The following ABLIM1 variants were observed in gnomAD, a reference collection of about 807,000 sequenced individuals.
ABLIM1 encodes the protein actin binding LIM protein 1.
Under a neutral mutation model 107.0 loss-of-function variants are expected in ABLIM1, and 40 were observed. The observed-to-expected ratio is 0.37, with a 90% confidence interval of 0.29 to 0.49. The LOEUF is 0.49. Ranked by LOEUF, ABLIM1 falls within the 20% of genes least tolerant of loss-of-function variation. The pLI, the probability that ABLIM1 is intolerant of heterozygous loss-of-function variation, is 0.97. For missense variants in ABLIM1, 857 were observed against 1,008.5 expected, an observed-to-expected ratio of 0.85 and a Z score of 2.04; for synonymous variants, 357 against 357.3, an observed-to-expected ratio of 1.00 and a Z score of 0.01.
chr10:114,614,998 C>T (rs1036556911), intron 1 of ABLIM1, among the ~76,000 whole-genome samples: 9 of 148,496 alleles, frequency 6.1e-5, no homozygotes, highest in Admixed American at 2.0e-4. Flanking sequence ...TGCAGTGAGC[C>T]GTGATCATGC....
chr10:114,696,661 T>C (rs1475241151), intron 1 of ABLIM1, among the ~76,000 whole-genome samples: 55 of 146,448 alleles, frequency 3.8e-4, no homozygotes, highest in Admixed American at 5.4e-4. Flanking sequence ...TGGCTCTCAT[T>C]CTCTCTTGCC....
intron 3 of ABLIM1, among the ~76,000 whole-genome samples, chr10:114,572,756 A>T (rs563105889): frequency 6.6e-6 from 1 of 152,300 alleles, no homozygotes; most frequent in South Asian, 2.1e-4. Flanking sequence ...ACAAGTCTTA[A>T]ATCTGTTCTG....
intron 1 of ABLIM1, among the ~76,000 whole-genome samples, chr10:114,732,963 C>T (rs577181673): frequency 6.6e-6 from 1 of 152,312 alleles, no homozygotes; most frequent in Non-Finnish European, 1.5e-5. Flanking sequence ...CAGATTCTCT[C>T]ATCTATATTA....
intron 20 of ABLIM1, 37 bp from the exon 21 acceptor site, chr10:114,439,287 ATAGTC>A (rs778253601): frequency 6.2e-7 from 1 of 1,611,842 alleles, no homozygotes; most frequent in Admixed American, 1.7e-5. Flanking sequence ...GAGGCATGAA[ATAGTC>A]TAGGAAACTG....
At chr10:114,742,868 C>T (rs565938391) in intron 1 of ABLIM1, among the ~76,000 whole-genome samples, 6 of 152,108 alleles carry the variant, frequency 3.9e-5, no homozygotes, top group East Asian at 1.9e-4. Context: ...GGTTGTAGTG[C>T]GCCAAGATTG....
At chr10:114,740,326 C>T (rs998204713) in intron 1 of ABLIM1, among the ~76,000 whole-genome samples, 15 of 152,056 alleles carry the variant, frequency 9.9e-5, no homozygotes, top group African/African-American at 2.2e-4. Context: ...GCAAAGCAGG[C>T]GCACTAACAC....
At chr10:114,544,818 T>C (rs570894693) in intron 6 of ABLIM1, among the ~76,000 whole-genome samples, 187 bp downstream of exon 6, 6 of 152,284 alleles carry the variant, frequency 3.9e-5, no homozygotes, top group African/African-American at 1.4e-4. Flanking sequence ...TCCATCATTC[T>C]AATTTCCACG....
Position 114,507,839 on chromosome 10 carries a change from T to C in ABLIM1, c.895-15961A>G, listed in dbSNP as rs1011587270. 1.4e-4 allele frequency among the ~76,000 whole-genome samples: 22 copies of C among 152,204 alleles called. 1 individual carries two copies. Among genetic ancestry groups the C allele is most frequent in the Admixed American group, 1.4e-3 (22 of 15,280 alleles). ...CCTCCAAGTGTTAGGCTGTGCAACC[T>C]AGGCTGATGAAAAGTCTGTGTTGTC... On this transcript the variant is annotated intron_variant, in intron 6 of 22. Coordinates refer to ENST00000533213, the MANE Select transcript of ABLIM1 (RefSeq NM_002313.7).
At position 114,473,972 on chromosome 10, in the gene ABLIM1, T is replaced by A. The variant is rs1203445367; in HGVS notation, c.1042-16A>T. 2 of 1,607,218 alleles carry A rather than the reference T, an allele frequency of 1.2e-6. No homozygotes were observed. Among genetic ancestry groups the A allele is most frequent in the African/African-American group, 2.7e-5 (2 of 74,752 alleles). Reference sequence around the variant, plus strand: ...TCCTGGTAGGCTGTAAAATAAACAGTGACTTGTAAGACTTCGGACCCTGGC... The same window carrying A: ...TCCTGGTAGGCTGTAAAATAAACAGAGACTTGTAAGACTTCGGACCCTGGC... On this transcript the variant is annotated splice_polypyrimidine_tract_variant and intron_variant, in intron 8 of 22. Transcript: ENST00000533213.
rs73371890 is a variant in ABLIM1, at chr10:114,707,132, C to G, written c.-213+60929G>C. Among the ~76,000 whole-genome samples, 18 of 152,202 alleles carry G rather than the reference C, an allele frequency of 1.2e-4. No homozygotes were observed. Among genetic ancestry groups the G allele is most frequent in the South Asian group, 4.2e-4 (2 of 4,814 alleles). Reference sequence around the variant, plus strand: ...TAACCTAATATATCAAAAATACTGTCATTTCAAACGTGGTCAATGACCACA... The same window carrying G: ...TAACCTAATATATCAAAAATACTGTGATTTCAAACGTGGTCAATGACCACA... On this transcript the variant is annotated intron_variant, in intron 1 of 15. Coordinates refer to the ABLIM1 transcript ENST00000651092. The surrounding 1 kb of genome is among the most constrained non-coding windows in gnomAD (Gnocchi z 4.1).
intron 10 of ABLIM1, among the ~76,000 whole-genome samples, chr10:114,469,183 C>CA (rs2065945185): frequency 6.6e-6 from 1 of 151,922 alleles, no homozygotes; most frequent in African/African-American, 2.4e-5. Context: ...TGATGAGTTA[C>CA]AGCATCTACT....
In ABLIM1 at chr10:114,441,065, C is replaced by A; in HGVS notation, c.2011G>T (p.Asp671Tyr). The change falls in exon 19 of 23, where the codon GAC (aspartate) becomes TAC (tyrosine). Residue 671 changes from aspartate to tyrosine, a missense_variant. Transcript: ENST00000533213. ...RNGLHRPVST[D>Y]FAQYNSYGDV... ...CCATAGCTGTTATACTGAGCGAAGT[C>A]GGTAGAAACAGGCTGAAATGAGGAA... The A allele has an allele frequency of 1.3e-6, 2 of 1,584,642 alleles. No homozygotes were observed. The highest frequency in any genetic ancestry group is 2.7e-5 in the African/African-American group (2 of 74,640).
intron 6 of ABLIM1, among the ~76,000 whole-genome samples, chr10:114,517,228 A>G (rs2136268479): frequency 6.6e-6 from 1 of 152,244 alleles, no homozygotes; most frequent in East Asian, 1.9e-4. Context: ...GCCATCCTGG[A>G]TTCAGGTGGG....
intron 2 of ABLIM1, among the ~76,000 whole-genome samples, chr10:114,579,591 T>G (rs1021566162): frequency 6.6e-6 from 1 of 152,208 alleles, no homozygotes; most frequent in Non-Finnish European, 1.5e-5. Context: ...TGTGACAAAA[T>G]GCATATAACA....
At chr10:114,488,585 G>A (rs970755858) in intron 7 of ABLIM1, among the ~76,000 whole-genome samples, 1 of 152,138 alleles carries the variant, frequency 6.6e-6, no homozygotes, top group African/African-American at 2.4e-5. Flanking sequence ...ATTGCCTTTG[G>A]CCTTCAATCT....
chr10:114,618,497 C>T (rs2077269101), intron 1 of ABLIM1, among the ~76,000 whole-genome samples: 1 of 152,230 alleles, frequency 6.6e-6, no homozygotes, highest in African/African-American at 2.4e-5. Flanking sequence ...AGGTTAGGAG[C>T]TTGGCTCTAT....
intron 1 of ABLIM1, among the ~76,000 whole-genome samples, chr10:114,693,480 G>A (rs2081128230): frequency 1.3e-5 from 2 of 152,130 alleles, no homozygotes; most frequent in Admixed American, 6.5e-5. Context: ...TCTCCAGATC[G>A]CCAAGTACAT....
At chr10:114,565,345 A>G (rs935588810) in intron 4 of ABLIM1, among the ~76,000 whole-genome samples, 1 of 152,272 alleles carries the variant, frequency 6.6e-6, no homozygotes, top group African/African-American at 2.4e-5. Flanking sequence ...TGTCATGACC[A>G]GCAGAGTGAC....
intron 1 of ABLIM1, 108 bp downstream of exon 1, chr10:114,657,849 G>C (rs2079596559): frequency 1.1e-6 from 1 of 933,286 alleles, no homozygotes; most frequent in Non-Finnish European, 1.6e-6. Context: ...ATTAAGGATA[G>C]TGTTTCCTTT....
Sources: gnomAD v4.1 joint callset for allele counts (sites outside exome capture counted in the v4.1 genomes callset) on GRCh38, gnomAD v4.1.1 for gene constraint, Gnocchi (gnomAD v3.1) non-coding constraint, MANE v1.5 for transcripts, NCBI Gene and HGNC (gene_info 2026-07-23, HGNC 2026-07-21) for gene names.